Variants in GPATCH2 observed in about 807,000 individuals in gnomAD.
GPATCH2 encodes the protein G patch domain-containing protein 2.
A neutral mutation model predicts 58.0 loss-of-function variants in GPATCH2; 51 were observed. The observed-to-expected ratio is 0.88, with a 90% CI of 0.70 to 1.11. The LOEUF is 1.11. GPATCH2 is among the 50% of genes most tolerant of loss of function. The pLI, the probability that GPATCH2 is intolerant of heterozygous loss-of-function variation, is 0.00. For synonymous variants in GPATCH2, 222 were observed against 218.5 expected (o/e 1.02, Z -0.14); for missense variants, 625 against 652.2 (o/e 0.96, Z 0.45).
intron 6 of GPATCH2, among the ~76,000 whole-genome samples, chr1:217,499,465 T>G (rs1216428580): frequency 6.6e-6 from 1 of 152,164 alleles, no homozygotes; most frequent in African/African-American, 2.4e-5. Flanking sequence ...CCAAGACTTC[T>G]TTGCATTCTC....
rs1027560206 is a variant in GPATCH2 at position 217,618,815 on chromosome 1, T to C, written c.773+968A>G. ...TCTCTACTAAAAATACAAAAAAAATTCGCCAGGCATGGTGGTGCACACAGG... is the reference window on the plus strand; with the variant it reads ...TCTCTACTAAAAATACAAAAAAAATCCGCCAGGCATGGTGGTGCACACAGG... On this transcript the variant is annotated intron_variant, in intron 2 of 9. Transcript: ENST00000366935. Among the ~76,000 whole-genome samples the C allele has an allele frequency of 9.9e-5, 15 of 151,646 alleles. 1 individual carries two copies. The highest frequency in any genetic ancestry group is 3.6e-4 in the African/African-American group (15 of 41,276).
intron 8 of GPATCH2, among the ~76,000 whole-genome samples, chr1:217,484,291 T>C (rs1048362264): frequency 6.6e-6 from 1 of 152,162 alleles, no homozygotes; most frequent in Admixed American, 6.5e-5. Context: ...TACCTCTTCC[T>C]ACCTGACTAC....
intron 6 of GPATCH2, among the ~76,000 whole-genome samples, chr1:217,507,851 T>C (rs151002715): frequency 1.3e-5 from 2 of 152,274 alleles, no homozygotes; most frequent in Non-Finnish European, 2.9e-5. Context: ...GTGTAGTGTG[T>C]AACTTTAGAA....
At chr1:217,496,304 G>A (rs1388804118) in intron 7 of GPATCH2, among the ~76,000 whole-genome samples, 1 of 152,188 alleles carries the variant, frequency 6.6e-6, no homozygotes, top group Non-Finnish European at 1.5e-5. Context: ...GCAGACATGT[G>A]TAGCCAGAGT....
chr1:217,602,869 A>C (rs746901594), intron 5 of GPATCH2, among the ~76,000 whole-genome samples: 6 of 152,202 alleles, frequency 3.9e-5, no homozygotes, highest in Non-Finnish European at 5.9e-5. Context: ...ACACTTTGTA[A>C]CCAGGCATTT....
chr1:217,445,132 C>G (rs1400225831), intron 9 of GPATCH2, among the ~76,000 whole-genome samples: 1 of 151,982 alleles, frequency 6.6e-6, no homozygotes. Context: ...ATATGCATAT[C>G]AAGACATTAA....
At chr1:217,609,715 T>C (rs1354746997) in intron 5 of GPATCH2, 8 of 955,252 alleles carry the variant, frequency 8.4e-6, no homozygotes, top group Middle Eastern at 5.4e-4. Context: ...AAATGAACCA[T>C]AAATGTCAAT....
chr1:217,541,046 C>G (rs958036898), intron 5 of GPATCH2, among the ~76,000 whole-genome samples: 21 of 152,306 alleles, frequency 1.4e-4, no homozygotes, highest in African/African-American at 4.6e-4. Context: ...TTTGGCCAAA[C>G]AGCCAGGAAT....
chr1:217,615,610 A>G (rs1668849090), intron 2 of GPATCH2, among the ~76,000 whole-genome samples: 1 of 152,084 alleles, frequency 6.6e-6, no homozygotes, highest in Non-Finnish European at 1.5e-5. Context: ...TATACACCTC[A>G]GGTCACAGTT....
chr1:217,437,851 C>T (rs1228644505), intron 9 of GPATCH2, among the ~76,000 whole-genome samples: 2 of 152,208 alleles, frequency 1.3e-5, no homozygotes, highest in South Asian at 2.1e-4. Flanking sequence ...CTGAAGAGAG[C>T]AGCAGATCTC....
chr1:217,585,697 C>A (rs918682599), intron 5 of GPATCH2, among the ~76,000 whole-genome samples: 1 of 152,124 alleles, frequency 6.6e-6, no homozygotes, highest in Non-Finnish European at 1.5e-5. Context: ...CAGAGACTCA[C>A]AAGATTGCTT....
rs955464932 is a variant in GPATCH2, at chr1:217,516,817, G to A, written c.1099-1928C>T. On this transcript the variant is annotated intron_variant, in intron 5 of 9. Coordinates refer to ENST00000366935, the MANE Select transcript of GPATCH2 (RefSeq NM_018040.5). ...TTATCTCAGAGAAAAAATAAACAACGTGTTGACAGAAGCAGAAGCTATTTT... is the reference window on the plus strand; with the variant it reads ...TTATCTCAGAGAAAAAATAAACAACATGTTGACAGAAGCAGAAGCTATTTT... 3.9e-5 allele frequency among the ~76,000 whole-genome samples: 6 copies of A among 152,208 alleles called. No individual in the cohort carries two copies. The South Asian group carries it at 1.0e-3, about 26-fold the overall frequency.
rs565634992 is a variant in GPATCH2 at position 217,597,095 on chromosome 1, C to A, written c.1098+13226G>T. ...CGTAATCCCAGCACTAAGGCTAAGG[C>A]GGGAGGATCACTTAAGGCCAGGAGT... On this transcript the variant is annotated intron_variant, in intron 5 of 9. Coordinates refer to ENST00000366935, the MANE Select transcript of GPATCH2 (RefSeq NM_018040.5). Among the ~76,000 whole-genome samples the A allele has an allele frequency of 4.6e-5, 7 of 151,630 alleles. No homozygotes were observed. The South Asian group carries it at 1.5e-3, about 32-fold the overall frequency.
At chr1:217,556,116 T>C (rs1284801832) in intron 5 of GPATCH2, among the ~76,000 whole-genome samples, 1 of 152,216 alleles carries the variant, frequency 6.6e-6, no homozygotes, top group East Asian at 1.9e-4. Context: ...ATCTAAACCA[T>C]TAATGGGATA....
intron 9 of GPATCH2, among the ~76,000 whole-genome samples, chr1:217,445,330 A>AT (rs1236875286): frequency 6.6e-6 from 1 of 152,136 alleles, no homozygotes; most frequent in East Asian, 1.9e-4. Flanking sequence ...AGTAGCCATA[A>AT]TATCTCAAAA....
At chr1:217,603,334 T>C (rs1282697838) in intron 5 of GPATCH2, among the ~76,000 whole-genome samples, 2 of 152,136 alleles carry the variant, frequency 1.3e-5, no homozygotes, top group Non-Finnish European at 2.9e-5. Flanking sequence ...GTTTATATAG[T>C]TTTTCCTAAA....
chr1:217,463,165 T>C (rs1168505807), intron 8 of GPATCH2, among the ~76,000 whole-genome samples: 1 of 152,112 alleles, frequency 6.6e-6, no homozygotes, highest in Non-Finnish European at 1.5e-5. Flanking sequence ...ACAGTACAAA[T>C]TGGAAATAGA....
At chr1:217,614,788 A>T (rs3898644) in intron 2 of GPATCH2, among the ~76,000 whole-genome samples, 30,393 of 151,072 alleles carry the variant, frequency 0.2, 3,327 homozygotes, top group African/African-American at 0.26. Context: ...AAAAAAAAAA[A>T]AATAATATTA....
In GPATCH2 at chr1:217,430,929, G is replaced by GA; in HGVS notation, c.*215dup. Reference sequence around the variant, plus strand: ...TACCTAGAAATAGCTGGAAATTACTGAAAAAAATTAAAGTGCAGAGGTTTT... The same window carrying GA: ...TACCTAGAAATAGCTGGAAATTACTGAAAAAAAATTAAAGTGCAGAGGTTTT... On this transcript the variant is annotated 3_prime_UTR_variant, in exon 10 of 10. Coordinates refer to ENST00000366935, the MANE Select transcript of GPATCH2 (RefSeq NM_018040.5). 1.8e-6 allele frequency: 1 copy of GA among 570,024 alleles called. No homozygotes were observed. Among genetic ancestry groups the GA allele is most frequent in the Non-Finnish European group, 3.1e-6 (1 of 321,180 alleles). 35.3% of individuals were successfully genotyped at this position (570,024 alleles called of 1,614,324 possible).
Sources: allele counts gnomAD v4.1 joint callset (sites outside exome capture counted in the v4.1 genomes callset), GRCh38; gene constraint gnomAD v4.1.1; transcripts MANE v1.5; gene names NCBI Gene and HGNC (gene_info 2026-07-23, HGNC 2026-07-21).